EFHD2: variants seen among roughly 807,000 people sequenced by gnomAD.
EFHD2 encodes EF-hand domain family member D2, also known as EF-hand domain-containing protein D2.
In EFHD2, 12 loss-of-function variants were observed where a neutral mutation model predicts 20.3. The observed-to-expected ratio is 0.59, with a 90% confidence interval of 0.38 to 0.96. The LOEUF (loss-of-function observed/expected upper bound fraction) is 0.96. Ranked by LOEUF, EFHD2 falls within the 40% of genes least tolerant of loss-of-function variation. The probability of loss-of-function intolerance (pLI) is 0.00; values close to 1 mark genes in which losing one functional copy is unlikely to be tolerated. For missense variants in EFHD2, 250 were observed against 334.3 expected (o/e 0.75, Z 1.97); for synonymous variants, 131 against 143.9 (o/e 0.91, Z 0.64).
chr1:15,417,865 C>T (rs539886719), intron 1 of EFHD2, among the ~76,000 whole-genome samples: 5 of 152,240 alleles, frequency 3.3e-5, no homozygotes, highest in East Asian at 1.9e-4. Context: ...GAATTGGGGT[C>T]CCTGTGCTCC....
chr1:15,418,057 T>G (rs1707711296), intron 1 of EFHD2, among the ~76,000 whole-genome samples: 1 of 145,760 alleles, frequency 6.9e-6, no homozygotes, highest in South Asian at 2.2e-4. Flanking sequence ...TGGCACAATC[T>G]TGGCTCACTG....
intron 1 of EFHD2, among the ~76,000 whole-genome samples, chr1:15,415,938 T>C (rs747441141): frequency 6.6e-5 from 10 of 152,162 alleles, no homozygotes; most frequent in Non-Finnish European, 1.3e-4. Context: ...TGAAGCCGTG[T>C]TTGTGGCTGG....
intron 1 of EFHD2, among the ~76,000 whole-genome samples, chr1:15,416,734 C>A (rs768859186): frequency 1.3e-4 from 19 of 151,458 alleles, no homozygotes; most frequent in Admixed American, 1.1e-3. Flanking sequence ...GGCCCAAACA[C>A]CAGCAGCTTC....
intron 1 of EFHD2, among the ~76,000 whole-genome samples, chr1:15,417,539 CT>C: frequency 6.6e-6 from 1 of 152,148 alleles, no homozygotes; most frequent in Non-Finnish European, 1.5e-5. Flanking sequence ...AAGCGCCACA[CT>C]TATGTGCTCT....
At chr1:15,410,879 A>G (rs1485138584) in intron 1 of EFHD2, among the ~76,000 whole-genome samples, 2 of 151,942 alleles carry the variant, frequency 1.3e-5, no homozygotes, top group Admixed American at 1.3e-4. Context: ...CTGGGCAGGG[A>G]TCCCCCCAAC....
intron 1 of EFHD2, among the ~76,000 whole-genome samples, chr1:15,421,909 A>T (rs964024355): frequency 5.3e-5 from 8 of 151,966 alleles, no homozygotes; most frequent in African/African-American, 1.9e-4. Flanking sequence ...CGGTGATTCA[A>T]TCTTGTTTTA....
rs751682306 is a variant in EFHD2 at position 15,427,314 on chromosome 1, C to T, written c.591+30C>T. On this transcript the variant is annotated intron_variant, in intron 3 of 3. Coordinates refer to ENST00000375980, the MANE Select transcript of EFHD2 (RefSeq NM_024329.6). ...GGAGCCCAAGGGGTGCCCTGACCCA[C>T]GCTCCAGGACAAGGGGACCCTGGGT... 29 of 1,589,718 alleles carry T rather than the reference C, an allele frequency of 1.8e-5. No homozygotes were observed. The South Asian group carries it at 2.1e-4, about 11-fold the overall frequency.
At chr1:15,428,525 G>T in intron 3 of EFHD2, 68 bp from the exon 4 acceptor site, 2 of 1,532,014 alleles carry the variant, frequency 1.3e-6, no homozygotes, top group Non-Finnish European at 8.8e-7. Context: ...AGAAAAAGCA[G>T]CTGTAGCACA....
rs545090253 is a variant in EFHD2 at position 15,413,101 on chromosome 1, C to A, written c.308+2822C>A. ...CGGGCTCTCGTGGAAGACAAACCCC[C>A]GTTCTGCTTCCGCTGTCCGAGTGGG... On this transcript the variant is annotated intron_variant, in intron 1 of 3. Transcript: ENST00000375980. The surrounding 1 kb of genome is among the most constrained non-coding windows in gnomAD (Gnocchi z 4.4). Among the ~76,000 whole-genome samples the A allele has an allele frequency of 6.6e-6, 1 of 152,238 alleles. No homozygotes were observed. Among genetic ancestry groups the A allele is most frequent in the Admixed American group, 6.5e-5 (1 of 15,284 alleles).
intron 1 of EFHD2, among the ~76,000 whole-genome samples, chr1:15,415,821 A>G (rs1707659063): frequency 6.6e-6 from 1 of 152,122 alleles, no homozygotes. Context: ...CATTTGACAG[A>G]TGAGAAGACT....
intron 1 of EFHD2, among the ~76,000 whole-genome samples, chr1:15,415,316 T>C (rs1707642042): frequency 1.3e-5 from 2 of 152,132 alleles, no homozygotes; most frequent in African/African-American, 4.8e-5. Flanking sequence ...AAAGCTCTCA[T>C]GAATGACACC....
At chr1:15,410,358 C>T in intron 1 of EFHD2, 79 bp downstream of exon 1, 2 of 1,452,078 alleles carry the variant, frequency 1.4e-6, no homozygotes, top group Non-Finnish European at 1.8e-6. Context: ...CCCCGGATCC[C>T]GCTCCGCCCC....
chr1:15,420,007 G>GT (rs1467474041), intron 1 of EFHD2, among the ~76,000 whole-genome samples: 1 of 152,166 alleles, frequency 6.6e-6, no homozygotes, highest in Non-Finnish European at 1.5e-5. Context: ...TAGGGGAAAA[G>GT]TGGGCCTTTA....
intron 1 of EFHD2, among the ~76,000 whole-genome samples, chr1:15,412,591 A>G (rs1401076566): frequency 2.0e-5 from 3 of 151,668 alleles, no homozygotes; most frequent in Admixed American, 6.6e-5. Flanking sequence ...CATGTCCCCA[A>G]CCCCAGCCCC....
intron 1 of EFHD2, among the ~76,000 whole-genome samples, chr1:15,419,638 T>C (rs1707754873): frequency 6.6e-6 from 1 of 152,206 alleles, no homozygotes; most frequent in Non-Finnish European, 1.5e-5. Context: ...CCCTACATAA[T>C]GTAAAACGGG....
At chr1:15,425,102 G>A (rs1240744888) in intron 1 of EFHD2, among the ~76,000 whole-genome samples, 1 of 152,202 alleles carries the variant, frequency 6.6e-6, no homozygotes, top group Non-Finnish European at 1.5e-5. Flanking sequence ...TTGCCTGCAA[G>A]GTTCTGCCAT....
chr1:15,422,427 G>A (rs758380755), intron 1 of EFHD2, among the ~76,000 whole-genome samples: 8 of 151,886 alleles, frequency 5.3e-5, no homozygotes, highest in Non-Finnish European at 8.8e-5. Context: ...CACCCTATGC[G>A]CTATAGGAGC....
chr1:15,414,761 C>G (rs1457375727), intron 1 of EFHD2, among the ~76,000 whole-genome samples: 1 of 152,254 alleles, frequency 6.6e-6, no homozygotes, highest in South Asian at 2.1e-4. Flanking sequence ...TCCTGCTGAA[C>G]AGCCACTCTG....
At chr1:15,421,289 C>T (rs1374285385) in intron 1 of EFHD2, among the ~76,000 whole-genome samples, 1 of 152,176 alleles carries the variant, frequency 6.6e-6, no homozygotes, top group African/African-American at 2.4e-5. Flanking sequence ...TGGCTGATCC[C>T]CTGCACTAGA....
Sources: allele counts gnomAD v4.1 joint callset (sites outside exome capture counted in the v4.1 genomes callset), GRCh38; gene constraint gnomAD v4.1.1; non-coding constraint Gnocchi (gnomAD v3.1); transcripts MANE v1.5; gene names NCBI Gene and HGNC (gene_info 2026-07-23, HGNC 2026-07-21).